The following SEPTIN11 variants were observed in gnomAD, a reference collection of about 807,000 sequenced individuals.
SEPTIN11 encodes septin 11.
A neutral mutation model predicts 51.4 loss-of-function variants in SEPTIN11; 25 were observed. The ratio of observed to expected loss-of-function variants is 0.49; its 90% CI spans 0.35 to 0.68. The LOEUF (loss-of-function observed/expected upper bound fraction) is 0.68. SEPTIN11 is among the 30% of genes least tolerant of loss of function. The pLI is 0.00. For missense variants in SEPTIN11, 381 were observed against 520.8 expected (o/e 0.73, Z 2.61); for synonymous variants, 174 against 184.1 (o/e 0.95, Z 0.44).
intron 4 of SEPTIN11, among the ~76,000 whole-genome samples, 192 bp downstream of exon 4, chr4:77,012,113 A>G (rs958485499): frequency 1.3e-5 from 2 of 148,802 alleles, no homozygotes; most frequent in African/African-American, 2.5e-5. Flanking sequence ...AAACAAAACT[A>G]GCAAAAAAAA....
chr4:77,032,756 C>T (rs1439719389), intron 9 of SEPTIN11, among the ~76,000 whole-genome samples: 2 of 152,162 alleles, frequency 1.3e-5, no homozygotes, highest in African/African-American at 2.4e-5. Flanking sequence ...AAGAGTATTT[C>T]GTGTATACTA....
At chr4:77,031,030 C>G (rs1027508543) in intron 9 of SEPTIN11, 60 bp downstream of exon 9, 62 of 1,460,912 alleles carry the variant, frequency 4.2e-5, no homozygotes, top group Admixed American at 2.5e-5. Flanking sequence ...TCTTGCATGT[C>G]TCTACTTTTC....
At chr4:77,016,739 CTT>C (rs1261113340) in intron 5 of SEPTIN11, among the ~76,000 whole-genome samples, 5 of 145,024 alleles carry the variant, frequency 3.4e-5, no homozygotes, top group Admixed American at 6.9e-5. Flanking sequence ...GGGAGGATCA[CTT>C]GAGGCCAGGG....
At chr4:76,971,347 A>G (rs1722231324) in intron 1 of SEPTIN11, among the ~76,000 whole-genome samples, 1 of 152,170 alleles carries the variant, frequency 6.6e-6, no homozygotes, top group Non-Finnish European at 1.5e-5. Flanking sequence ...ATTCCCCTAA[A>G]ATATGGCAGA....
intron 3 of SEPTIN11, among the ~76,000 whole-genome samples, chr4:77,008,342 C>T (rs1724629491): frequency 6.6e-6 from 1 of 152,192 alleles, no homozygotes; most frequent in Non-Finnish European, 1.5e-5. Context: ...CCCTCAAAGG[C>T]AGAGATAATT....
intron 1 of SEPTIN11, among the ~76,000 whole-genome samples, chr4:76,977,051 A>G (rs184720956): frequency 1.3e-3 from 196 of 152,354 alleles, no homozygotes; most frequent in Non-Finnish European, 2.2e-3. Flanking sequence ...AGGTAGAGAA[A>G]GAAGAGTATA....
chr4:76,965,572 A>T (rs927384802), intron 1 of SEPTIN11, among the ~76,000 whole-genome samples: 3 of 150,852 alleles, frequency 2.0e-5, no homozygotes, highest in Non-Finnish European at 3.0e-5. Flanking sequence ...TATATAATTT[A>T]TTATAGGAAA....
chr4:76,994,900 CTTTTTTTTTTTT>C lies in SEPTIN11; in HGVS notation c.28-1508_28-1497del, dbSNP rs55728971. On this transcript the variant is annotated intron_variant, in intron 1 of 9. Coordinates refer to ENST00000264893, the MANE Select transcript of SEPTIN11 (RefSeq NM_018243.4). ...ATTGACTAAGTGATCCTGTACAAAGCTTTTTTTTTTTTTTTTTTTTTTTTTTTTAAATAAAAT... is the reference window on the plus strand; with the variant it reads ...ATTGACTAAGTGATCCTGTACAAAGCTTTTTTTTTTTTTTTTAAATAAAAT... 2.9e-3 allele frequency among the ~76,000 whole-genome samples: 158 copies of C among 54,898 alleles called. 3 individuals carry two copies. The highest frequency in any genetic ancestry group is 9.4e-3 in the African/African-American group (141 of 14,934). 36.0% of individuals were successfully genotyped at this position (54,898 alleles called of 152,430 possible).
At chr4:76,998,545 T>G (rs1212907337) in intron 2 of SEPTIN11, among the ~76,000 whole-genome samples, 1 of 152,202 alleles carries the variant, frequency 6.6e-6, no homozygotes, top group African/African-American at 2.4e-5. Flanking sequence ...CTTTTAGTAT[T>G]CTTGTGTCAG....
At position 77,020,681 on chromosome 4, in the gene SEPTIN11, A is replaced by G. The variant is rs755314891; in HGVS notation, c.953+11A>G. On this transcript the variant is annotated intron_variant, in intron 7 of 9. Transcript: ENST00000264893. ...CAGCAAACCCTTCAGGTATGAAGGC[A>G]TCTAGCAATCAGGTGTCTCCCAGAC... 4.3e-6 allele frequency: 7 copies of G among 1,611,846 alleles called. No individual in the cohort carries two copies. Among genetic ancestry groups the G allele is most frequent in the Non-Finnish European group, 5.9e-6 (7 of 1,178,590 alleles).
intron 3 of SEPTIN11, among the ~76,000 whole-genome samples, chr4:77,008,907 G>A (rs911751668): frequency 6.6e-6 from 1 of 152,212 alleles, no homozygotes; most frequent in Non-Finnish European, 1.5e-5. Context: ...AAAAGGCTAA[G>A]TTGGGATTAA....
Position 76,984,434 on chromosome 4 carries a change from G to A in SEPTIN11, c.28-11991G>A, listed in dbSNP as rs1318042424. Among the ~76,000 whole-genome samples, 2 of 152,102 alleles carry A rather than the reference G, an allele frequency of 1.3e-5. No homozygotes were observed. Among genetic ancestry groups the A allele is most frequent in the Non-Finnish European group, 2.9e-5 (2 of 68,016 alleles). ...ATATATGGTATCTTTCAGAAAGGAAGTGGCTAATTTATATCCGGTGATAGA... is the reference window on the plus strand; with the variant it reads ...ATATATGGTATCTTTCAGAAAGGAAATGGCTAATTTATATCCGGTGATAGA... On this transcript the variant is annotated intron_variant, in intron 1 of 9. Transcript: ENST00000264893. This position sits in a 1 kb window ranked among gnomAD's most constrained non-coding sequence, Gnocchi z 4.1.
At position 77,035,209 on chromosome 4, in the gene SEPTIN11, A is replaced by G. The variant is rs1726947815; in HGVS notation, c.*697A>G. 1 of 985,320 alleles carries G rather than the reference A, an allele frequency of 1.0e-6. No individual in the cohort carries two copies. Among genetic ancestry groups the G allele is most frequent in the African/African-American group, 1.7e-5 (1 of 57,228 alleles). 61.0% of individuals were successfully genotyped at this position (985,320 alleles called of 1,614,324 possible). A position where few individuals can be genotyped will look rare whatever the true frequency, so the allele number is the denominator to read the frequency against. ...GGTATGAGAAAACTATGATTAGTTCACATTTACTGGTGCATCCTTGATCCT... is the reference window on the plus strand; with the variant it reads ...GGTATGAGAAAACTATGATTAGTTCGCATTTACTGGTGCATCCTTGATCCT... On this transcript the variant is annotated 3_prime_UTR_variant, in exon 10 of 10. Transcript: ENST00000264893.
intron 3 of SEPTIN11, among the ~76,000 whole-genome samples, chr4:77,011,057 T>C (rs936632063): frequency 5.9e-5 from 9 of 152,178 alleles, no homozygotes; most frequent in African/African-American, 1.9e-4. Context: ...CATGAAGATT[T>C]TGAGTTGAAA....
chr4:77,005,484 G>C, intron 2 of SEPTIN11, 117 bp from the exon 3 acceptor site: 1 of 851,946 alleles, frequency 1.2e-6, no homozygotes, highest in Non-Finnish European at 1.8e-6. Context: ...GACATTTCTG[G>C]TGACAGTTTT....
intron 8 of SEPTIN11, among the ~76,000 whole-genome samples, chr4:77,029,109 A>G (rs2109982939): frequency 6.6e-6 from 1 of 152,284 alleles, no homozygotes; most frequent in African/African-American, 2.4e-5. Context: ...TTCTGCGACT[A>G]TTATTATCTT....
At position 77,016,633 on chromosome 4, in the gene SEPTIN11, C is replaced by CATATATAT. The variant is rs1234653472; in HGVS notation, c.687+1632_687+1639dup. Among the ~76,000 whole-genome samples, 363 of 72,702 alleles carry CATATATAT rather than the reference C, an allele frequency of 5.0e-3. 16 individuals are homozygous for CATATATAT. The highest frequency in any genetic ancestry group is 7.2e-3 in the Non-Finnish European group (266 of 36,986). 47.7% of individuals were successfully genotyped at this position (72,702 alleles called of 152,430 possible). A position where few individuals can be genotyped will look rare whatever the true frequency, so the allele number is the denominator to read the frequency against. On this transcript the variant is annotated intron_variant, in intron 5 of 9. Transcript: ENST00000264893. The stretch of plus-strand genomic sequence containing the variant: ...ATATACACATATATATATATATACA[C>CATATATAT]ATATATATATATATATATATATACA...
In SEPTIN11 at chr4:77,035,162, C is replaced by T. The variant is rs1208010694; in HGVS notation, c.*650C>T. ...CTGCATCTGAATGCCTGCCTTCAAT[C>T]CTGGCCAAGTTGGAGTAGACTGGTA... On this transcript the variant is annotated 3_prime_UTR_variant, in exon 10 of 10. Coordinates refer to ENST00000264893, the MANE Select transcript of SEPTIN11 (RefSeq NM_018243.4). The T allele has an allele frequency of 1.2e-5, 12 of 985,348 alleles. No individual in the cohort carries two copies. The highest frequency in any genetic ancestry group is 1.7e-5 in the African/African-American group (1 of 57,230). The allele number at this position is 985,348 out of a possible 1,614,324, so 61.0% of individuals were successfully genotyped here.
intron 1 of SEPTIN11, among the ~76,000 whole-genome samples, chr4:76,961,415 T>G (rs1466165997): frequency 1.3e-5 from 2 of 152,220 alleles, no homozygotes; most frequent in Non-Finnish European, 2.9e-5. Flanking sequence ...CTACAAAACA[T>G]TCTGACTGCC....
Sources: gnomAD v4.1 joint callset for allele counts (sites outside exome capture counted in the v4.1 genomes callset) on GRCh38, gnomAD v4.1.1 for gene constraint, Gnocchi (gnomAD v3.1) non-coding constraint, MANE v1.5 for transcripts, NCBI Gene and HGNC (gene_info 2026-07-23, HGNC 2026-07-21) for gene names.